DSCAM: variants seen among roughly 807,000 people sequenced by gnomAD.
DSCAM encodes the protein DS cell adhesion molecule.
A neutral mutation model predicts 217.7 loss-of-function variants in DSCAM; 47 were observed. The observed-to-expected ratio is 0.22, with a 90% CI of 0.17 to 0.28. The LOEUF (loss-of-function observed/expected upper bound fraction) is 0.28. Ranked by LOEUF, DSCAM falls within the 10% of genes least tolerant of loss-of-function variation. The pLI is 1.00. For synonymous variants in DSCAM, 1,056 were observed against 1,015.3 expected, an observed-to-expected ratio of 1.04 and a Z score of -0.76; for missense variants, 2,080 against 2,618.3, an observed-to-expected ratio of 0.79 and a Z score of 4.49.
At chr21:40,841,925 G>A (rs2092104951) in intron 1 of DSCAM, among the ~76,000 whole-genome samples, 1 of 152,242 alleles carries the variant, frequency 6.6e-6, no homozygotes, top group Admixed American at 6.5e-5. Flanking sequence ...GCTGGACCTC[G>A]CCTGACCTGC....
At chr21:40,751,892 A>G (rs1040981765) in intron 1 of DSCAM, among the ~76,000 whole-genome samples, 1 of 152,208 alleles carries the variant, frequency 6.6e-6, no homozygotes, top group African/African-American at 2.4e-5. Context: ...CTTGTAATCC[A>G]ATATTCATAA....
At position 40,723,537 on chromosome 21, in the gene DSCAM, T is replaced by A. The variant is rs78624243; in HGVS notation, c.44-14766A>T. Among the ~76,000 whole-genome samples the A allele has an allele frequency of 9.7e-3, 1,479 of 152,336 alleles. 11 individuals are homozygous for A. The highest frequency in any genetic ancestry group is 0.016 in the Non-Finnish European group (1,056 of 68,036). Reference sequence around the variant, plus strand: ...GCAATCTAGAAGAGGGGCAGCATGCTTCATAGGAGATGATGCAATCTTATT... The same window carrying A: ...GCAATCTAGAAGAGGGGCAGCATGCATCATAGGAGATGATGCAATCTTATT... On this transcript the variant is annotated intron_variant, in intron 1 of 32. Coordinates refer to ENST00000400454, the MANE Select transcript of DSCAM (RefSeq NM_001389.5).
Position 40,114,800 on chromosome 21 carries a change from G to A in DSCAM, c.3696+9395C>T, listed in dbSNP as rs546008152. On this transcript the variant is annotated intron_variant, in intron 20 of 32. Transcript: ENST00000400454. Reference sequence around the variant, plus strand: ...AAAGAAGACATTTATGCAGCCAAAAGACACATGACAAAATGCTCATCATCA... The same window carrying A: ...AAAGAAGACATTTATGCAGCCAAAAAACACATGACAAAATGCTCATCATCA... Among the ~76,000 whole-genome samples, 3 of 152,250 alleles carry A rather than the reference G, an allele frequency of 2.0e-5. No homozygotes were observed. The South Asian group carries it at 6.2e-4, about 32-fold the overall frequency.
chr21:40,143,512 C>T (rs1337591515), intron 17 of DSCAM, among the ~76,000 whole-genome samples: 1 of 152,218 alleles, frequency 6.6e-6, no homozygotes. Context: ...TGATCAAGGG[C>T]CGGGCGCGGT....
At chr21:40,388,921 C>T (rs989027214) in intron 3 of DSCAM, among the ~76,000 whole-genome samples, 1 of 152,124 alleles carries the variant, frequency 6.6e-6, no homozygotes, top group Non-Finnish European at 1.5e-5. Flanking sequence ...TTCATGTTGG[C>T]TTTTCTTAGC....
At position 40,230,463 on chromosome 21, in the gene DSCAM, C is replaced by A. The variant is rs187427943; in HGVS notation, c.2357-41225G>T. On this transcript the variant is annotated intron_variant, in intron 11 of 32. Coordinates refer to ENST00000400454, the MANE Select transcript of DSCAM (RefSeq NM_001389.5). ...GAATAATCAAATCTGTGAGCACTGA[C>A]CTTTTAAAGTCGATGGGACCAGTCA... Among the ~76,000 whole-genome samples, 905 of 152,230 alleles carry A rather than the reference C, an allele frequency of 5.9e-3. 8 individuals carry two copies. Among genetic ancestry groups the A allele is most frequent in the African/African-American group, 0.021 (865 of 41,560 alleles).
chr21:40,223,245 C>T (rs536019284), intron 11 of DSCAM, among the ~76,000 whole-genome samples: 1 of 152,326 alleles, frequency 6.6e-6, no homozygotes, highest in African/African-American at 2.4e-5. Context: ...GGGCCCTGAA[C>T]CCCAGGTAAC....
At chr21:40,373,291 C>T (rs1454201172) in intron 3 of DSCAM, among the ~76,000 whole-genome samples, 1 of 152,148 alleles carries the variant, frequency 6.6e-6, no homozygotes, top group African/African-American at 2.4e-5. Flanking sequence ...ATTCTAGAAA[C>T]CAGCAGGTGT....
intron 8 of DSCAM, among the ~76,000 whole-genome samples, chr21:40,333,461 T>C (rs915485874): frequency 6.6e-6 from 1 of 152,032 alleles, no homozygotes; most frequent in Admixed American, 6.6e-5. Flanking sequence ...GCCTCCTGGG[T>C]TCAAGCCATC....
chr21:40,280,806 A>G (rs2073750876), intron 10 of DSCAM, among the ~76,000 whole-genome samples: 1 of 152,204 alleles, frequency 6.6e-6, no homozygotes, highest in South Asian at 2.1e-4. Context: ...CATGACTGCC[A>G]TCTCTTTTTC....
chr21:40,075,072 C>T lies in DSCAM; in HGVS notation c.4853G>A (p.Arg1618Lys), dbSNP rs1199796032. ...LLFVLLLVVR[R>K]RRREQRLKRL... ...CTTTAGCCTCTGCTCCCGCCGCCTC[C>T]TCCGCACAACCAGCAGGAGCACAAA... Residue 1618 changes from arginine to lysine, a missense_variant, in exon 27 of 33, where the codon AGG becomes AAG. Arg to Lys is a conservative substitution (Grantham distance 26). Transcript: ENST00000400454. 6.2e-7 allele frequency: 1 copy of T among 1,614,214 alleles called. No homozygotes were observed. Among genetic ancestry groups the T allele is most frequent in the African/African-American group, 1.3e-5 (1 of 75,060 alleles).
At chr21:40,202,205 C>T (rs902145008) in intron 11 of DSCAM, among the ~76,000 whole-genome samples, 1 of 152,164 alleles carries the variant, frequency 6.6e-6, no homozygotes, top group African/African-American at 2.4e-5. Flanking sequence ...TCCACCCCCG[C>T]CACCCTTCAC....
intron 13 of DSCAM, 58 bp from the exon 14 acceptor site, chr21:40,187,317 C>G: frequency 6.2e-7 from 1 of 1,600,026 alleles, no homozygotes; most frequent in Non-Finnish European, 8.5e-7. Context: ...ACATAAAACG[C>G]TAGTGGAAAT....
At chr21:40,680,324 G>C (rs1166903505) in intron 3 of DSCAM, among the ~76,000 whole-genome samples, 1 of 152,040 alleles carries the variant, frequency 6.6e-6, no homozygotes, top group Admixed American at 6.5e-5. Context: ...CCAATTCATG[G>C]AGCACCTCAC....
At chr21:40,545,602 C>A (rs2076575819) in intron 3 of DSCAM, among the ~76,000 whole-genome samples, 1 of 151,994 alleles carries the variant, frequency 6.6e-6, no homozygotes, top group Non-Finnish European at 1.5e-5. Context: ...TTCTGGGAAC[C>A]TCAGTTTCCT....
chr21:40,647,865 C>G (rs1285289414), intron 3 of DSCAM, among the ~76,000 whole-genome samples: 1 of 152,190 alleles, frequency 6.6e-6, no homozygotes, highest in Non-Finnish European at 1.5e-5. Flanking sequence ...CCAGCTGACT[C>G]TAAATGTCCA....
chr21:40,289,084 T>A (rs1001446822), intron 10 of DSCAM, among the ~76,000 whole-genome samples: 2 of 152,226 alleles, frequency 1.3e-5, no homozygotes, highest in African/African-American at 4.8e-5. Flanking sequence ...AACCAGCACT[T>A]CTTCTCTTCC....
At chr21:40,124,471 G>A in intron 19 of DSCAM, 143 bp from the exon 20 acceptor site, 1 of 1,044,322 alleles carries the variant, frequency 9.6e-7, no homozygotes, top group Non-Finnish European at 1.4e-6. Context: ...CCCCCCAAAT[G>A]CATATGTTGA....
Position 40,476,313 on chromosome 21 carries a change from G to A in DSCAM, c.509-107068C>T, listed in dbSNP as rs551921710. Among the ~76,000 whole-genome samples, 7 of 152,302 alleles carry A rather than the reference G, an allele frequency of 4.6e-5. No homozygotes were observed. In the South Asian group the frequency reaches 8.3e-4, roughly 18 times the overall value. ...CAGCTCAGCCATTCATCATGGATAC[G>A]ACTTGGACCATTTCTTAACTTTCCT... is the stretch of plus-strand genomic sequence containing the variant. On this transcript the variant is annotated intron_variant, in intron 3 of 32. Coordinates refer to ENST00000400454, the MANE Select transcript of DSCAM (RefSeq NM_001389.5).
Sources: gnomAD v4.1 joint callset for allele counts (sites outside exome capture counted in the v4.1 genomes callset) on GRCh38, gnomAD v4.1.1 for gene constraint, MANE v1.5 for transcripts, NCBI Gene and HGNC (gene_info 2026-07-23, HGNC 2026-07-21) for gene names.